RUNX1T1: variants seen among roughly 807,000 people sequenced by gnomAD.
RUNX1T1 encodes RUNX1 partner transcriptional co-repressor 1, also known as protein CBFA2T1.
In RUNX1T1, 4 loss-of-function variants were observed where a neutral mutation model predicts 62.8. The observed-to-expected ratio is 0.06, with a 90% CI of 0.03 to 0.15. The LOEUF (loss-of-function observed/expected upper bound fraction) is 0.15. Among genes scored for constraint, RUNX1T1 ranks in the 10% least tolerant of loss-of-function variants. The probability of loss-of-function intolerance (pLI) is 1.00; values close to 1 mark genes in which losing one functional copy is unlikely to be tolerated. For missense variants in RUNX1T1, 508 were observed against 754.3 expected (o/e 0.67, Z 3.82); for synonymous variants, 291 against 286.0 (o/e 1.02, Z -0.18).
At chr8:92,008,438 G>C (rs1821303371) in intron 4 of RUNX1T1, among the ~76,000 whole-genome samples, 1 of 146,882 alleles carries the variant, frequency 6.8e-6, no homozygotes, top group South Asian at 2.2e-4. Flanking sequence ...ACGAGACTAT[G>C]TGCCATTCTG....
chr8:92,060,680 A>G (rs953733263), intron 1 of RUNX1T1, among the ~76,000 whole-genome samples: 2 of 151,502 alleles, frequency 1.3e-5, no homozygotes, highest in African/African-American at 4.8e-5. Flanking sequence ...ACTTAAAAAT[A>G]TAAAACCTGC....
At chr8:92,062,662 G>GAGGGGCTGGGGCGGCATCGCC in exon 1 of RUNX1T1, 1 of 1,600,900 alleles carries the variant, frequency 6.2e-7, no homozygotes, top group Non-Finnish European at 8.6e-7. Flanking sequence ...AGGGCCATCA[G>GAGGGGCTGGGGCGGCATCGCC]AGGGGCTGGG....
chr8:92,042,066 A>T (rs1244272137), intron 1 of RUNX1T1, among the ~76,000 whole-genome samples: 1 of 151,692 alleles, frequency 6.6e-6, no homozygotes, highest in Non-Finnish European at 1.5e-5. Flanking sequence ...CAAGAGGTCC[A>T]CCTGCCTCAG....
chr8:92,062,845 C>A, exon 1 of RUNX1T1: 1 of 1,414,866 alleles, frequency 7.1e-7, no homozygotes, highest in East Asian at 2.6e-5. Context: ...GATGTGTGTG[C>A]AAAGTATCAC....
intron 2 of RUNX1T1, among the ~76,000 whole-genome samples, chr8:92,069,917 T>G (rs562919812): frequency 6.6e-6 from 1 of 152,230 alleles, no homozygotes; most frequent in Non-Finnish European, 1.5e-5. Context: ...TACCTAAATG[T>G]CCTTTTTTCA....
intron 8 of RUNX1T1, among the ~76,000 whole-genome samples, chr8:91,980,868 C>T (rs886706916): frequency 6.6e-5 from 10 of 151,936 alleles, no homozygotes; most frequent in Non-Finnish European, 1.2e-4. Flanking sequence ...GATGGGGTCT[C>T]ACTATGTTTT....
chr8:92,064,004 T>G (rs1364375193), upstream of RUNX1T1, among the ~76,000 whole-genome samples: 1 of 152,154 alleles, frequency 6.6e-6, no homozygotes, highest in African/African-American at 2.4e-5. Context: ...ACTCTACACT[T>G]TCCATATGCT....
upstream of RUNX1T1, among the ~76,000 whole-genome samples, chr8:92,067,077 T>C (rs1333462560): frequency 6.6e-6 from 1 of 152,202 alleles, no homozygotes; most frequent in Non-Finnish European, 1.5e-5. Flanking sequence ...ATTGCCATCT[T>C]AAGAATTTGA....
intron 8 of RUNX1T1, among the ~76,000 whole-genome samples, chr8:91,976,811 T>C (rs1814063932): frequency 6.6e-6 from 1 of 152,238 alleles, no homozygotes; most frequent in Non-Finnish European, 1.5e-5. Flanking sequence ...AATATGCATT[T>C]CATGTCTTCC....
At chr8:91,960,344 C>A (rs1187923234) in exon 11 of RUNX1T1, 1 of 1,613,652 alleles carries the variant, frequency 6.2e-7, no homozygotes, top group Non-Finnish European at 8.5e-7. Context: ...CGCTGTTGGG[C>A]GTGACAGAGG....
At chr8:91,971,623 T>C (rs1475201666) in intron 9 of RUNX1T1, among the ~76,000 whole-genome samples, 2 of 152,228 alleles carry the variant, frequency 1.3e-5, no homozygotes, top group Non-Finnish European at 2.9e-5. Flanking sequence ...GGTTAAATGA[T>C]AGAGGTTTTA....
chr8:92,070,067 A>G (rs1186544617), intron 2 of RUNX1T1, among the ~76,000 whole-genome samples: 1 of 152,204 alleles, frequency 6.6e-6, no homozygotes, highest in Non-Finnish European at 1.5e-5. Context: ...GAGCACCCTC[A>G]GTGCAAGTCT....
chr8:92,023,213 T>C (rs1407041940), intron 1 of RUNX1T1, among the ~76,000 whole-genome samples: 2 of 152,190 alleles, frequency 1.3e-5, no homozygotes, highest in Non-Finnish European at 2.9e-5. Context: ...CTGTAAGTAA[T>C]TACTTCCCTT....
intron 5 of RUNX1T1, chr8:92,004,733 AG>A (rs1370013679): frequency 5.9e-6 from 1 of 169,022 alleles, no homozygotes; most frequent in Non-Finnish European, 1.3e-5. Context: ...TAAGGAAACT[AG>A]GAACAGCCAA....
chr8:92,031,704 G>A (rs1251091467), intron 1 of RUNX1T1, among the ~76,000 whole-genome samples: 5 of 151,876 alleles, frequency 3.3e-5, no homozygotes, highest in African/African-American at 4.8e-5. Flanking sequence ...TCCTGGCCTC[G>A]AGCAATCCTC....
At position 92,004,768 on chromosome 8, in the gene RUNX1T1, T is replaced by C. The variant is rs1394853609; in HGVS notation, c.659+348A>G. On this transcript the variant is annotated intron_variant, in intron 5 of 10. Transcript: ENST00000396218. ...AATTTCAGAATATTGAAGTAAAATA[T>C]GTGGTTGGGTTAAATTACATAATGA... 7 of 183,208 alleles carry C rather than the reference T, an allele frequency of 3.8e-5. No homozygotes were observed. The Admixed American group carries it at 4.3e-4, about 11-fold the overall frequency. 11.3% of individuals were successfully genotyped at this position (183,208 alleles called of 1,614,324 possible). A position where few individuals can be genotyped will look rare whatever the true frequency, so the allele number is the denominator to read the frequency against.
chr8:92,102,806 G>A, upstream of RUNX1T1: 2 of 1,485,650 alleles, frequency 1.3e-6, no homozygotes, highest in Non-Finnish European at 1.8e-6. This position sits in a 1 kb window ranked among gnomAD's most constrained non-coding sequence, Gnocchi z 4.5. Context: ...AACAGTCAGG[G>A]GCCCGACCCC....
intron 5 of RUNX1T1, among the ~76,000 whole-genome samples, chr8:91,999,672 G>T (rs1385972913): frequency 6.6e-6 from 1 of 152,180 alleles, no homozygotes; most frequent in Admixed American, 6.5e-5. Flanking sequence ...AGTGAGGAAA[G>T]AAGTGCTATA....
rs1418685074 is a variant in RUNX1T1, at chr8:91,959,456, G to GTATATA, written c.*785_*786insTATATA. The GTATATA allele has an allele frequency of 5.3e-3, 647 of 120,938 alleles. 25 individuals are homozygous for GTATATA. Among genetic ancestry groups the GTATATA allele is most frequent in the African/African-American group, 0.044 (599 of 13,598 alleles). 7.5% of individuals were successfully genotyped at this position (120,938 alleles called of 1,614,324 possible). On this transcript the variant is annotated 3_prime_UTR_variant, in exon 11 of 11. Transcript: ENST00000396218. ...TGTGTGTGTGTGTGTGTGTGTGTGT[G>GTATATA]TGTGTGTGTGTATATGTGCGTGTGT...
Sources: allele counts gnomAD v4.1 joint callset (sites outside exome capture counted in the v4.1 genomes callset), GRCh38; gene constraint gnomAD v4.1.1; non-coding constraint Gnocchi (gnomAD v3.1); transcripts MANE v1.5; gene names NCBI Gene and HGNC (gene_info 2026-07-23, HGNC 2026-07-21).